CLSTN2: variants seen among roughly 807,000 people sequenced by gnomAD.
The protein encoded by CLSTN2 is calsyntenin 2.
A neutral mutation model predicts 101.2 loss-of-function variants in CLSTN2; 48 were observed. The ratio of observed to expected loss-of-function variants is 0.47; its 90% CI spans 0.38 to 0.60. CLSTN2 has a LOEUF of 0.60. Ranked by LOEUF, CLSTN2 falls within the 20% of genes least tolerant of loss-of-function variation. The pLI is 0.00. For synonymous variants in CLSTN2, 481 were observed against 463.6 expected, an observed-to-expected ratio of 1.04 and a Z score of -0.48; for missense variants, 1,160 against 1,238.2, an observed-to-expected ratio of 0.94 and a Z score of 0.95.
intron 2 of CLSTN2, among the ~76,000 whole-genome samples, chr3:140,226,887 C>A (rs116191231): frequency 6.6e-6 from 1 of 152,170 alleles, no homozygotes; most frequent in African/African-American, 2.4e-5. Context: ...TTTTGTGAGA[C>A]TCTTTCACTA....
intron 6 of CLSTN2, 139 bp downstream of exon 6, chr3:140,448,843 G>A: frequency 2.7e-6 from 2 of 734,786 alleles, no homozygotes; most frequent in East Asian, 2.9e-5. Context: ...TGGATTTTAA[G>A]TTTACTTATG....
chr3:139,969,567 A>G (rs963080981), intron 1 of CLSTN2, among the ~76,000 whole-genome samples: 2 of 152,188 alleles, frequency 1.3e-5, no homozygotes, highest in Non-Finnish European at 2.9e-5. Flanking sequence ...AGGCCCTGCC[A>G]TCACTGCACC....
intron 2 of CLSTN2, among the ~76,000 whole-genome samples, chr3:140,211,427 G>GTATA (rs879873578): frequency 0.032 from 642 of 20,378 alleles, 4 homozygotes; most frequent in African/African-American, 0.089. Flanking sequence ...CACACACACA[G>GTATA]TATATATATA....
intron 2 of CLSTN2, among the ~76,000 whole-genome samples, chr3:140,368,174 TC>T (rs2087813991): frequency 6.6e-6 from 1 of 152,146 alleles, no homozygotes; most frequent in South Asian, 2.1e-4. Context: ...TCAAGAAGCC[TC>T]CCAGATGAGG....
chr3:140,426,931 T>G (rs1002759987), intron 5 of CLSTN2, among the ~76,000 whole-genome samples: 2 of 152,036 alleles, frequency 1.3e-5, no homozygotes, highest in African/African-American at 4.8e-5. Flanking sequence ...TCCTAGCACT[T>G]TGGGAGGCCG....
At chr3:140,392,509 A>G (rs922719429) in intron 2 of CLSTN2, among the ~76,000 whole-genome samples, 5 of 152,148 alleles carry the variant, frequency 3.3e-5, no homozygotes, top group African/African-American at 7.2e-5. Flanking sequence ...TTTTCCAGTA[A>G]CTAAATTGAG....
At chr3:140,125,637 AT>A (rs1385866293) in intron 1 of CLSTN2, among the ~76,000 whole-genome samples, 1 of 152,114 alleles carries the variant, frequency 6.6e-6, no homozygotes, top group East Asian at 1.9e-4. Flanking sequence ...GAGACAGCAA[AT>A]TTACTGGGGA....
intron 1 of CLSTN2, among the ~76,000 whole-genome samples, chr3:139,997,047 C>CAAAAAAAAAA (rs369329154): frequency 1.2e-5 from 1 of 85,006 alleles, no homozygotes; most frequent in Non-Finnish European, 2.1e-5. Context: ...GACTCTGTCT[C>CAAAAAAAAAA]AAAAAAAAAA....
intron 1 of CLSTN2, among the ~76,000 whole-genome samples, chr3:140,055,941 T>C (rs996596899): frequency 6.6e-6 from 1 of 151,896 alleles, no homozygotes; most frequent in African/African-American, 2.4e-5. Context: ...CCATTGAGAG[T>C]GAAGTACACA....
chr3:140,220,966 T>A (rs2086266713), intron 2 of CLSTN2, among the ~76,000 whole-genome samples: 1 of 152,236 alleles, frequency 6.6e-6, no homozygotes, highest in South Asian at 2.1e-4. Flanking sequence ...GAGCCCTGAC[T>A]TCCATGGACC....
chr3:140,399,563 T>G (rs1394626841), intron 2 of CLSTN2, among the ~76,000 whole-genome samples: 1 of 152,248 alleles, frequency 6.6e-6, no homozygotes, highest in Non-Finnish European at 1.5e-5. Flanking sequence ...AATACAAATA[T>G]AAGAGCATTT....
intron 2 of CLSTN2, among the ~76,000 whole-genome samples, chr3:140,222,709 T>A (rs2086285063): frequency 6.6e-6 from 1 of 152,094 alleles, no homozygotes; most frequent in Admixed American, 6.5e-5. Flanking sequence ...TAATTATACA[T>A]CTTAAAGTAA....
At chr3:140,439,217 A>C (rs1180653566) in intron 5 of CLSTN2, among the ~76,000 whole-genome samples, 1 of 152,206 alleles carries the variant, frequency 6.6e-6, no homozygotes, top group Non-Finnish European at 1.5e-5. Flanking sequence ...CATCTCTCCA[A>C]TGCAGTCTGC....
chr3:140,015,680 T>C (rs1025215891), intron 1 of CLSTN2, among the ~76,000 whole-genome samples: 1 of 152,214 alleles, frequency 6.6e-6, no homozygotes, highest in African/African-American at 2.4e-5. Context: ...ATGATGAGTT[T>C]GATTTACCTG....
chr3:140,089,435 G>A (rs2107784810), intron 1 of CLSTN2, among the ~76,000 whole-genome samples: 1 of 152,132 alleles, frequency 6.6e-6, no homozygotes, highest in Non-Finnish European at 1.5e-5. Flanking sequence ...TCTCCAGCAG[G>A]GAAGTGGTCC....
intron 1 of CLSTN2, among the ~76,000 whole-genome samples, chr3:140,042,998 C>T (rs2007793199): frequency 6.6e-6 from 1 of 152,138 alleles, no homozygotes; most frequent in South Asian, 2.1e-4. Context: ...GTGCATGTGT[C>T]TTTATAGCAG....
chr3:140,566,063 G>A lies in CLSTN2; in HGVS notation c.2678G>A (p.Gly893Glu), dbSNP rs772576000. 6 of 1,614,010 alleles carry A rather than the reference G, an allele frequency of 3.7e-6. No individual in the cohort carries two copies. Among genetic ancestry groups the A allele is most frequent in the South Asian group, 3.3e-5 (3 of 91,060 alleles). Residue 893 changes from glycine (G) to glutamate (E), a missense_variant, in exon 17 of 17, where the codon GGA becomes GAA. Physicochemically the swap from Gly to Glu is moderately conservative, Grantham distance 98. Transcript: ENST00000458420. The stretch of plus-strand genomic sequence containing the variant: ...CTCCTTGATATCCAGAAACATGAAG[G>A]ACCAGGGCATGGGGAAGATGAGACT... The part of the protein sequence containing the change: ...ITVNPMEKHE[G>E]PGHGEDETEG...
chr3:139,989,101 C>G (rs150645502), intron 1 of CLSTN2, among the ~76,000 whole-genome samples: 1 of 152,284 alleles, frequency 6.6e-6, no homozygotes, highest in Non-Finnish European at 1.5e-5. Flanking sequence ...ACAGCAGTGA[C>G]AGCCAGCCCA....
intron 1 of CLSTN2, among the ~76,000 whole-genome samples, chr3:140,081,242 T>C (rs776123610): frequency 3.3e-5 from 5 of 152,132 alleles, no homozygotes; most frequent in African/African-American, 4.8e-5. Flanking sequence ...CCCTCACAAA[T>C]GTCAAGACAC....
Sources: gnomAD v4.1 joint callset for allele counts (sites outside exome capture counted in the v4.1 genomes callset) on GRCh38, gnomAD v4.1.1 for gene constraint, MANE v1.5 for transcripts, NCBI Gene and HGNC (gene_info 2026-07-23, HGNC 2026-07-21) for gene names.